EYA4: variants seen among roughly 807,000 people sequenced by gnomAD.
The protein encoded by EYA4 is protein phosphatase EYA4.
EYA4 carries 31 observed loss-of-function variants against 87.9 expected under a neutral mutation model. That is an observed-to-expected ratio of 0.35 (90% CI 0.27 to 0.48). The LOEUF (loss-of-function observed/expected upper bound fraction) is 0.48, where lower values mean the gene tolerates loss of function less well. Among genes scored for constraint, EYA4 ranks in the 20% least tolerant of loss-of-function variants. EYA4 has a pLI of 0.99. For synonymous variants in EYA4, 263 were observed against 270.6 expected, an observed-to-expected ratio of 0.97 and a Z score of 0.28; for missense variants, 678 against 761.4, an observed-to-expected ratio of 0.89 and a Z score of 1.29.
intron 1 of EYA4, among the ~76,000 whole-genome samples, chr6:133,265,964 A>AAT (rs1776188217): frequency 6.6e-6 from 1 of 152,216 alleles, no homozygotes; most frequent in Non-Finnish European, 1.5e-5. Flanking sequence ...GACAATCAGT[A>AAT]TCTTTAATTT....
chr6:133,260,363 G>A (rs1474456087), intron 1 of EYA4, among the ~76,000 whole-genome samples: 5 of 152,030 alleles, frequency 3.3e-5, no homozygotes, highest in East Asian at 1.9e-4. Context: ...TCAGCCTCCC[G>A]AATAGCTGGG....
chr6:133,456,436 T>A, intron 5 of EYA4, 120 bp from the exon 6 acceptor site: 1 of 780,228 alleles, frequency 1.3e-6, no homozygotes. Context: ...ACTCTCTTCA[T>A]CAACTTCTCA....
At chr6:133,384,613 G>GT (rs1469226249) in intron 3 of EYA4, among the ~76,000 whole-genome samples, 1 of 152,152 alleles carries the variant, frequency 6.6e-6, no homozygotes, top group Non-Finnish European at 1.5e-5. Context: ...TTGCCCAGAC[G>GT]TTTTGATAAT....
At chr6:133,361,461 T>A (rs1415341559) in intron 2 of EYA4, among the ~76,000 whole-genome samples, 1 of 152,200 alleles carries the variant, frequency 6.6e-6, no homozygotes, top group Non-Finnish European at 1.5e-5. Flanking sequence ...CTTCCTTTAT[T>A]GGAAGTAATA....
Position 133,513,638 on chromosome 6 carries a change from A to G in EYA4, c.1501+600A>G, listed in dbSNP as rs113927405. On this transcript the variant is annotated intron_variant, in intron 16 of 19. Transcript: ENST00000355286. ...TCAAAACCATTTTATACCCCTTCAT[A>G]TATTTTACAGGTGATATCAAAACCT... 7.5e-3 allele frequency among the ~76,000 whole-genome samples: 1,137 copies of G among 152,250 alleles called. 8 individuals carry two copies. Among genetic ancestry groups the G allele is most frequent in the Non-Finnish European group, 0.012 (829 of 68,006 alleles).
At chr6:133,364,416 A>C (rs1469876854) in intron 2 of EYA4, among the ~76,000 whole-genome samples, 2 of 152,176 alleles carry the variant, frequency 1.3e-5, no homozygotes, top group African/African-American at 4.8e-5. Context: ...GCCTCGCTTC[A>C]TCAGGGTGTT....
intron 9 of EYA4, among the ~76,000 whole-genome samples, chr6:133,463,774 T>C (rs1015297245): frequency 1.1e-4 from 16 of 152,214 alleles, no homozygotes; most frequent in Admixed American, 8.5e-4. Flanking sequence ...AATTTGGGGC[T>C]ATATTAACAT....
At chr6:133,338,199 T>G (rs1782519486) in intron 2 of EYA4, among the ~76,000 whole-genome samples, 1 of 152,118 alleles carries the variant, frequency 6.6e-6, no homozygotes, top group African/African-American at 2.4e-5. Flanking sequence ...CCGCAAGTAA[T>G]AGATACCCAT....
At chr6:133,446,993 T>A (rs1315145905) in intron 4 of EYA4, among the ~76,000 whole-genome samples, 1 of 152,216 alleles carries the variant, frequency 6.6e-6, no homozygotes, top group Non-Finnish European at 1.5e-5. Context: ...TTCAAGGGCC[T>A]TGAACAAGGC....
intron 13 of EYA4, among the ~76,000 whole-genome samples, chr6:133,504,828 G>T (rs1484858277): frequency 6.6e-5 from 10 of 152,142 alleles, no homozygotes; most frequent in Non-Finnish European, 8.8e-5. Context: ...CATAAATTGA[G>T]TAAAGTTTGC....
At chr6:133,404,155 GCC>G (rs1319545420) in intron 3 of EYA4, among the ~76,000 whole-genome samples, 3 of 152,144 alleles carry the variant, frequency 2.0e-5, no homozygotes. Flanking sequence ...AGGAATTTAA[GCC>G]CTTTATTTGG....
intron 3 of EYA4, among the ~76,000 whole-genome samples, chr6:133,422,783 T>C (rs901183008): frequency 6.6e-6 from 1 of 152,212 alleles, no homozygotes; most frequent in Non-Finnish European, 1.5e-5. Flanking sequence ...TGCCTGCTAT[T>C]GGCTTTGCTG....
intron 2 of EYA4, among the ~76,000 whole-genome samples, chr6:133,320,934 A>G (rs544366360): frequency 1.1e-3 from 165 of 152,262 alleles, no homozygotes; most frequent in Admixed American, 2.4e-3. Flanking sequence ...TGATTCAACA[A>G]TGGTCTAAGG....
intron 3 of EYA4, among the ~76,000 whole-genome samples, chr6:133,415,057 G>A (rs917987872): frequency 8.5e-5 from 13 of 152,152 alleles, no homozygotes; most frequent in African/African-American, 2.7e-4. Context: ...TGGGCAAATT[G>A]TAACTAACCC....
intron 2 of EYA4, among the ~76,000 whole-genome samples, chr6:133,373,568 A>G (rs892631263): frequency 2.6e-5 from 4 of 152,070 alleles, no homozygotes; most frequent in African/African-American, 9.7e-5. Flanking sequence ...ATTTCGCTGC[A>G]GAAGATTCTA....
intron 1 of EYA4, among the ~76,000 whole-genome samples, chr6:133,266,314 T>A (rs1228048956): frequency 1.3e-5 from 2 of 152,126 alleles, no homozygotes; most frequent in African/African-American, 4.8e-5. Context: ...AGGCAGAGAT[T>A]GGAGTGATGC....
chr6:133,514,254 A>C (rs1268774329), intron 16 of EYA4, among the ~76,000 whole-genome samples: 1 of 152,218 alleles, frequency 6.6e-6, no homozygotes, highest in Non-Finnish European at 1.5e-5. Flanking sequence ...TCTGTACATG[A>C]TGCTTTTGTA....
At chr6:133,320,827 T>C (rs1165120214) in intron 2 of EYA4, among the ~76,000 whole-genome samples, 2 of 152,202 alleles carry the variant, frequency 1.3e-5, no homozygotes, top group Non-Finnish European at 2.9e-5. Context: ...TCCAGCTCCA[T>C]CTGTGTTGCT....
At position 133,448,164 on chromosome 6, in the gene EYA4, CCCTCTT is replaced by C. The variant is rs1562433578; in HGVS notation, c.264_269del (p.Ser89_Ser90del). The C allele has an allele frequency of 3.1e-6, 5 of 1,613,022 alleles. No individual in the cohort carries two copies. The Middle Eastern group carries it at 6.6e-4, about 213-fold the overall frequency. Reference sequence around the variant, plus strand: ...AGACTGGTTGCTGAGTTGCAACACCCCCTCTTCTGCAACAAGTATGAGAGATGCTGG... The same window carrying C: ...AGACTGGTTGCTGAGTTGCAACACCCCTGCAACAAGTATGAGAGATGCTGG... On this transcript the variant is annotated inframe_deletion, in exon 5 of 20. Coordinates refer to ENST00000355286, the MANE Select transcript of EYA4 (RefSeq NM_004100.5).
Sources: gnomAD v4.1 joint callset for allele counts (sites outside exome capture counted in the v4.1 genomes callset) on GRCh38, gnomAD v4.1.1 for gene constraint, MANE v1.5 for transcripts, NCBI Gene and HGNC (gene_info 2026-07-23, HGNC 2026-07-21) for gene names.